LRP1B: variants seen among roughly 807,000 people sequenced by gnomAD.
The protein encoded by LRP1B is LDL receptor related protein 1B, also known as low-density lipoprotein receptor-related protein 1B.
Under a neutral mutation model 556.6 loss-of-function variants are expected in LRP1B, and 217 were observed. The observed-to-expected ratio is 0.39, with a 90% CI of 0.35 to 0.44. LRP1B has a LOEUF of 0.44. LRP1B is among the 20% of genes least tolerant of loss of function. The pLI, the probability that LRP1B is intolerant of heterozygous loss-of-function variation, is 1.00. For missense variants in LRP1B, 5,053 were observed against 5,620.8 expected, an observed-to-expected ratio of 0.90 and a Z score of 3.23; for synonymous variants, 2,047 against 1,865.8, an observed-to-expected ratio of 1.10 and a Z score of -2.50.
rs541174575 is a variant in LRP1B at position 141,625,546 on chromosome 2, A to G, written c.206-145013T>C. 2.0e-5 allele frequency among the ~76,000 whole-genome samples: 3 copies of G among 152,298 alleles called. No homozygotes were observed. In the South Asian group the frequency reaches 6.2e-4, roughly 32 times the overall value. ...TTAACCTTTTATTTGTTACTGAAAG[A>G]ATGTAATCTTCTTGAGGGTAGAGAC... On this transcript the variant is annotated intron_variant, in intron 2 of 90. Coordinates refer to ENST00000389484, the MANE Select transcript of LRP1B (RefSeq NM_018557.3).
chr2:142,057,594 T>G (rs1164633385), intron 1 of LRP1B, among the ~76,000 whole-genome samples: 1 of 152,174 alleles, frequency 6.6e-6, no homozygotes, highest in East Asian at 1.9e-4. Context: ...AATCTATCTG[T>G]GTTTCACCCC....
intron 11 of LRP1B, among the ~76,000 whole-genome samples, chr2:141,028,191 G>A (rs1056581866): frequency 6.6e-6 from 1 of 151,706 alleles, no homozygotes; most frequent in Non-Finnish European, 1.5e-5. Context: ...AGCATTACCT[G>A]TAAAAATTAG....
chr2:140,475,016 T>A (rs1687912321), intron 60 of LRP1B, 122 bp downstream of exon 60: 1 of 379,118 alleles, frequency 2.6e-6, no homozygotes, highest in Non-Finnish European at 4.3e-6. Context: ...TAAAGAAGTA[T>A]AATAATGTAA....
intron 43 of LRP1B, among the ~76,000 whole-genome samples, chr2:140,555,941 C>T (rs932448023): frequency 5.9e-5 from 9 of 151,964 alleles, no homozygotes; most frequent in Non-Finnish European, 7.4e-5. Flanking sequence ...GCAAGTCATA[C>T]GATATGGACA....
At chr2:140,394,581 T>C (rs1684170832) in intron 66 of LRP1B, among the ~76,000 whole-genome samples, 1 of 152,012 alleles carries the variant, frequency 6.6e-6, no homozygotes, top group African/African-American at 2.4e-5. Flanking sequence ...CTTGAACCAT[T>C]TTCTTGGAAG....
At chr2:140,353,422 A>G (rs991490921) in intron 75 of LRP1B, among the ~76,000 whole-genome samples, 1 of 152,056 alleles carries the variant, frequency 6.6e-6, no homozygotes, top group African/African-American at 2.4e-5. Flanking sequence ...CTACCTAGAT[A>G]AACTTGTGCC....
At chr2:140,850,031 T>C in intron 29 of LRP1B, 71 bp downstream of exon 29, 1 of 975,098 alleles carries the variant, frequency 1.0e-6, no homozygotes, top group Non-Finnish European at 1.6e-6. Context: ...AGAAAGAATA[T>C]AAAAGATTTG....
intron 1 of LRP1B, among the ~76,000 whole-genome samples, chr2:142,066,563 C>T (rs1705117224): frequency 6.6e-6 from 1 of 151,440 alleles, no homozygotes; most frequent in African/African-American, 2.4e-5. Context: ...TGCATTTCTT[C>T]TAACAGTCTA....
At chr2:140,478,167 T>TTTTG (rs1688051187) in intron 59 of LRP1B, among the ~76,000 whole-genome samples, 1 of 92,506 alleles carries the variant, frequency 1.1e-5, no homozygotes, top group African/African-American at 3.7e-5. Flanking sequence ...TTTTTTTTTT[T>TTTTG]GAGAAGGAGC....
At chr2:141,838,189 C>G (rs1156349697) in intron 1 of LRP1B, among the ~76,000 whole-genome samples, 1 of 152,048 alleles carries the variant, frequency 6.6e-6, no homozygotes, top group Admixed American at 6.6e-5. Flanking sequence ...ATAACGTAAG[C>G]TATCTCACAG....
chr2:141,172,824 C>A (rs112642132), intron 7 of LRP1B, among the ~76,000 whole-genome samples: 2,247 of 152,084 alleles, frequency 0.015, 23 homozygotes, highest in Middle Eastern at 0.041. Flanking sequence ...TCCTTATCCT[C>A]TGTGAGTAGT....
chr2:140,931,077 T>C (rs74871712), intron 20 of LRP1B, among the ~76,000 whole-genome samples: 7,189 of 152,184 alleles, frequency 0.047, 193 homozygotes, highest in Non-Finnish European at 0.053. Flanking sequence ...CTGGTTTGTG[T>C]TGGGATTGGT....
At chr2:140,621,400 A>AT (rs397956182) in intron 41 of LRP1B, among the ~76,000 whole-genome samples, 1 of 150,756 alleles carries the variant, frequency 6.6e-6, no homozygotes, top group African/African-American at 2.4e-5. Context: ...AAAAAAAAAA[A>AT]GAAAAGAAGA....
chr2:140,738,982 A>G (rs962641324), intron 35 of LRP1B, among the ~76,000 whole-genome samples: 1 of 152,192 alleles, frequency 6.6e-6, no homozygotes, highest in Admixed American at 6.5e-5. Context: ...CTGATGTTGC[A>G]TCACATCAGT....
At chr2:141,602,802 A>T (rs1687795395) in intron 2 of LRP1B, among the ~76,000 whole-genome samples, 1 of 152,124 alleles carries the variant, frequency 6.6e-6, no homozygotes, top group African/African-American at 2.4e-5. Context: ...CATCCAATCT[A>T]CAGGTGACAA....
At chr2:140,482,172 T>A (rs1688272403) in intron 59 of LRP1B, among the ~76,000 whole-genome samples, 1 of 123,316 alleles carries the variant, frequency 8.1e-6, no homozygotes. Context: ...GTAACATACT[T>A]GAAGACGAGG....
intron 41 of LRP1B, among the ~76,000 whole-genome samples, chr2:140,626,830 C>G (rs891595606): frequency 6.6e-6 from 1 of 151,062 alleles, no homozygotes; most frequent in Non-Finnish European, 1.5e-5. Context: ...AATAAGAAAA[C>G]TATGAAAAAC....
At chr2:141,701,276 C>T (rs977992228) in intron 2 of LRP1B, among the ~76,000 whole-genome samples, 3 of 151,864 alleles carry the variant, frequency 2.0e-5, no homozygotes, top group Admixed American at 2.0e-4. Flanking sequence ...CCTCTAACCA[C>T]ACTTAGCTGC....
intron 3 of LRP1B, among the ~76,000 whole-genome samples, chr2:141,418,199 C>T (rs1679986137): frequency 6.6e-6 from 1 of 152,086 alleles, no homozygotes; most frequent in South Asian, 2.1e-4. Context: ...AGGTTTCACT[C>T]TGTTGATTGT....
Sources: gnomAD v4.1 joint callset for allele counts (sites outside exome capture counted in the v4.1 genomes callset) on GRCh38, gnomAD v4.1.1 for gene constraint, MANE v1.5 for transcripts, NCBI Gene and HGNC (gene_info 2026-07-23, HGNC 2026-07-21) for gene names.